The following SEL1L2 variants were observed in gnomAD, a reference collection of about 807,000 sequenced individuals.
The protein encoded by SEL1L2 is protein sel-1 homolog 2.
Under a neutral mutation model 98.8 loss-of-function variants are expected in SEL1L2, and 89 were observed. The ratio of observed to expected loss-of-function variants is 0.90; its 90% CI spans 0.76 to 1.07. SEL1L2 has a LOEUF of 1.07. SEL1L2 is among the 50% of genes least tolerant of loss of function. SEL1L2 has a pLI of 0.00. For synonymous variants in SEL1L2, 262 were observed against 278.5 expected, an observed-to-expected ratio of 0.94 and a Z score of 0.59; for missense variants, 788 against 812.0, an observed-to-expected ratio of 0.97 and a Z score of 0.36.
At chr20:13,908,160 C>T (rs1014102630) in intron 5 of SEL1L2, among the ~76,000 whole-genome samples, 1 of 114,708 alleles carries the variant, frequency 8.7e-6, no homozygotes, top group African/African-American at 3.4e-5. Flanking sequence ...CTCTGTTGCC[C>T]AGGCTGGAGT....
Position 13,876,118 on chromosome 20 carries a change from A to T in SEL1L2, c.1027-3T>A, listed in dbSNP as rs376593373. On this transcript the variant is annotated splice_polypyrimidine_tract_variant and splice_region_variant and intron_variant, in intron 11 of 19. Coordinates refer to ENST00000284951, the MANE Select transcript of SEL1L2 (RefSeq NM_025229.2). ...GCAGCATTCCCCTCTAAATACATCT[A>T]GGAAGAAAAATGAAAAGAGGATAGA... 6.2e-7 allele frequency: 1 copy of T among 1,607,852 alleles called. No homozygotes were observed. Among genetic ancestry groups the T allele is most frequent in the Non-Finnish European group, 8.5e-7 (1 of 1,174,572 alleles).
intron 5 of SEL1L2, among the ~76,000 whole-genome samples, chr20:13,911,181 C>T (rs1370228482): frequency 6.6e-6 from 1 of 152,230 alleles, no homozygotes; most frequent in Non-Finnish European, 1.5e-5. Context: ...CTGTAGTCCA[C>T]CTAAATTGTG....
At position 13,952,755 on chromosome 20, in the gene SEL1L2, C is replaced by T. The variant is rs557955507; in HGVS notation, c.114+3321G>A. ...TTTTAAAAAAGCCTCCTTGGCTGGG[C>T]GCGGTGCCTGGACGCCTGTAATCCC... is the stretch of plus-strand genomic sequence containing the variant. On this transcript the variant is annotated intron_variant, in intron 2 of 19. Transcript: ENST00000284951. 7.6e-3 allele frequency among the ~76,000 whole-genome samples: 542 copies of T among 71,188 alleles called. 2 individuals are homozygous for T. The highest frequency in any genetic ancestry group is 0.019 in the South Asian group (29 of 1,554). 46.7% of individuals were successfully genotyped at this position (71,188 alleles called of 152,430 possible). A position where few individuals can be genotyped will look rare whatever the true frequency, so the allele number is the denominator to read the frequency against.
intron 5 of SEL1L2, 56 bp from the exon 6 acceptor site, chr20:13,888,568 TATATGG>T: frequency 1.1e-6 from 1 of 896,098 alleles, no homozygotes; most frequent in Non-Finnish European, 1.8e-6. Context: ...CCTAATTATC[TATATGG>T]ATAAGGGATA....
rs139495259 is a variant in SEL1L2, at chr20:13,870,997, G to C, written c.1105-794C>G. 1.4e-4 allele frequency among the ~76,000 whole-genome samples: 21 copies of C among 151,542 alleles called. No individual in the cohort carries two copies. In the East Asian group the frequency reaches 4.1e-3, roughly 30 times the overall value. On this transcript the variant is annotated intron_variant, in intron 12 of 19. Coordinates refer to ENST00000284951, the MANE Select transcript of SEL1L2 (RefSeq NM_025229.2). ...CTAGAAGAGGGACACTCTATTGCCT[G>C]ATTTAGACTAGGAATTGAAGGAGAT...
chr20:13,849,354 G>C lies in SEL1L2; in HGVS notation c.*131C>G. 8.4e-7 allele frequency: 1 copy of C among 1,188,180 alleles called. No homozygotes were observed. The highest frequency in any genetic ancestry group is 1.2e-6 in the Non-Finnish European group (1 of 834,770). The allele number at this position is 1,188,180 out of a possible 1,614,324, so 73.6% of individuals were successfully genotyped here. A position where few individuals can be genotyped will look rare whatever the true frequency, so the allele number is the denominator to read the frequency against. On this transcript the variant is annotated 3_prime_UTR_variant, in exon 20 of 20. Transcript: ENST00000284951. ...TTCTCTAGGATGGTCCCCAAGTCTT[G>C]TCTGTTTCCCATCACAGCCCTGAGC...
intron 1 of SEL1L2, among the ~76,000 whole-genome samples, chr20:13,967,679 C>T (rs1375251692): frequency 2.6e-5 from 4 of 152,190 alleles, no homozygotes; most frequent in Non-Finnish European, 1.5e-5. Context: ...TGCCACTCAC[C>T]TAAGCTCTTC....
At chr20:13,918,598 T>C (rs1174540293) in intron 4 of SEL1L2, among the ~76,000 whole-genome samples, 1 of 152,204 alleles carries the variant, frequency 6.6e-6, no homozygotes, top group Non-Finnish European at 1.5e-5. Flanking sequence ...GGGGATAACA[T>C]GGAATCACAT....
intron 1 of SEL1L2, among the ~76,000 whole-genome samples, chr20:13,988,833 T>A (rs1408986184): frequency 6.6e-6 from 1 of 151,996 alleles, no homozygotes; most frequent in Non-Finnish European, 1.5e-5. Flanking sequence ...GCCAACATGA[T>A]AAAACCCCGT....
rs148232600 is a variant in SEL1L2 at position 13,885,618 on chromosome 20, G to A, written c.901-215C>T. Among the ~76,000 whole-genome samples the A allele has an allele frequency of 3.3e-3, 501 of 152,206 alleles. 2 individuals carry two copies. Among genetic ancestry groups the A allele is most frequent in the African/African-American group, 0.011 (472 of 41,546 alleles). On this transcript the variant is annotated intron_variant, in intron 9 of 19. Transcript: ENST00000284951. ...TAGTGGCTGGAAGCTGGTCTTCTGGGGTACAGAAACACCCAGGCACATAAA... is the reference window on the plus strand; with the variant it reads ...TAGTGGCTGGAAGCTGGTCTTCTGGAGTACAGAAACACCCAGGCACATAAA...
intron 12 of SEL1L2, among the ~76,000 whole-genome samples, chr20:13,875,748 A>G (rs2046398655): frequency 6.6e-6 from 1 of 152,156 alleles, no homozygotes. Context: ...GGCCTCATCT[A>G]CTGCATAAGG....
chr20:13,866,635 G>T, intron 15 of SEL1L2, 67 bp downstream of exon 15: 1 of 1,255,092 alleles, frequency 8.0e-7, no homozygotes. Context: ...AACAATTTAA[G>T]AACAGTATCA....
intron 5 of SEL1L2, among the ~76,000 whole-genome samples, chr20:13,910,731 C>CA (rs1020697089): frequency 1.3e-5 from 2 of 151,868 alleles, no homozygotes; most frequent in African/African-American, 4.8e-5. Flanking sequence ...AAACCAATAG[C>CA]AAAAAAAGAA....
intron 1 of SEL1L2, among the ~76,000 whole-genome samples, chr20:13,979,483 A>G (rs572455393): frequency 6.6e-6 from 1 of 152,346 alleles, no homozygotes; most frequent in South Asian, 2.1e-4. Context: ...CATTATATAT[A>G]TGTACTGAAG....
At chr20:13,867,050 T>A (rs1297244220) in intron 14 of SEL1L2, among the ~76,000 whole-genome samples, 200 bp from the exon 15 acceptor site, 2 of 152,170 alleles carry the variant, frequency 1.3e-5, no homozygotes. Flanking sequence ...TATGGAAATT[T>A]ATATTCTTGA....
intron 5 of SEL1L2, among the ~76,000 whole-genome samples, chr20:13,900,030 T>C (rs1222979130): frequency 1.3e-5 from 2 of 152,164 alleles, no homozygotes; most frequent in Non-Finnish European, 2.9e-5. Context: ...TTAAAAATGA[T>C]TTACATAATA....
chr20:13,949,447 G>C (rs1022424418), intron 2 of SEL1L2, among the ~76,000 whole-genome samples: 2 of 152,104 alleles, frequency 1.3e-5, no homozygotes, highest in Non-Finnish European at 2.9e-5. Context: ...GGCGGATCAC[G>C]AGGTCAGGAG....
At chr20:13,944,514 T>C (rs941778389) in intron 2 of SEL1L2, among the ~76,000 whole-genome samples, 8 of 152,138 alleles carry the variant, frequency 5.3e-5, no homozygotes, top group African/African-American at 1.9e-4. Flanking sequence ...ATCTGGTGGA[T>C]GAAGGAGCCA....
intron 17 of SEL1L2, among the ~76,000 whole-genome samples, chr20:13,861,867 C>T (rs948964052): frequency 6.6e-6 from 1 of 152,166 alleles, no homozygotes; most frequent in African/African-American, 2.4e-5. Context: ...TGGCTGGCTT[C>T]TCGTCATTCT....
Sources: allele counts gnomAD v4.1 joint callset (sites outside exome capture counted in the v4.1 genomes callset), GRCh38; gene constraint gnomAD v4.1.1; transcripts MANE v1.5; gene names NCBI Gene and HGNC (gene_info 2026-07-23, HGNC 2026-07-21).